Variants in GALNTL6 observed in about 807,000 individuals in gnomAD.
GALNTL6 encodes polypeptide N-acetylgalactosaminyltransferase-like 6.
A neutral mutation model predicts 73.7 loss-of-function variants in GALNTL6; 46 were observed. The observed-to-expected ratio is 0.62, with a 90% CI of 0.49 to 0.80. The LOEUF (loss-of-function observed/expected upper bound fraction) is 0.80. GALNTL6 is among the 30% of genes least tolerant of loss of function. The pLI, the probability that GALNTL6 is intolerant of heterozygous loss-of-function variation, is 0.00. For synonymous variants in GALNTL6, 259 were observed against 263.7 expected, an observed-to-expected ratio of 0.98 and a Z score of 0.17; for missense variants, 604 against 755.0, an observed-to-expected ratio of 0.80 and a Z score of 2.34.
intron 4 of GALNTL6, among the ~76,000 whole-genome samples, chr4:172,329,060 C>A (rs1419908376): frequency 6.6e-6 from 1 of 152,118 alleles, no homozygotes; most frequent in Non-Finnish European, 1.5e-5. Context: ...AATCTCAGGT[C>A]AGGCAGCCCT....
chr4:172,223,142 G>A lies in GALNTL6; in HGVS notation c.139-6514G>A, dbSNP rs150093052. Among the ~76,000 whole-genome samples the A allele has an allele frequency of 6.4e-3, 980 of 152,074 alleles. 7 individuals carry two copies. Among genetic ancestry groups the A allele is most frequent in the African/African-American group, 0.018 (732 of 41,518 alleles). ...ATCCTGTTTCAGATAATATGTTTAC[G>A]AAGTCAAGAGTATGGACTGACTAGA... On this transcript the variant is annotated intron_variant, in intron 2 of 12. Transcript: ENST00000506823.
chr4:172,897,339 C>T (rs1041136584), intron 8 of GALNTL6, among the ~76,000 whole-genome samples: 2 of 152,192 alleles, frequency 1.3e-5, no homozygotes, highest in South Asian at 2.1e-4. Flanking sequence ...TAGGCAGGCT[C>T]AGACTCTCAG....
intron 5 of GALNTL6, among the ~76,000 whole-genome samples, chr4:172,646,321 A>C (rs1740240608): frequency 6.6e-6 from 1 of 151,986 alleles, no homozygotes; most frequent in South Asian, 2.1e-4. Flanking sequence ...AACAATATCA[A>C]GTTTTCCAGT....
At chr4:171,932,300 G>A (rs1196468019) in intron 2 of GALNTL6, among the ~76,000 whole-genome samples, 2 of 152,168 alleles carry the variant, frequency 1.3e-5, no homozygotes, top group African/African-American at 2.4e-5. Context: ...TTGAAGCTTG[G>A]CAAATGAAGT....
At chr4:172,310,288 T>C (rs565877673) in intron 3 of GALNTL6, among the ~76,000 whole-genome samples, 14 of 151,956 alleles carry the variant, frequency 9.2e-5, no homozygotes, top group African/African-American at 3.1e-4. Flanking sequence ...TTTTTTTTAA[T>C]ATGACAGGGT....
chr4:172,624,997 G>T (rs1739110454), intron 5 of GALNTL6, among the ~76,000 whole-genome samples: 1 of 151,884 alleles, frequency 6.6e-6, no homozygotes, highest in South Asian at 2.1e-4. Context: ...ACCAAAAAAA[G>T]AACTACTTTT....
rs180949062 is a variant in GALNTL6 at position 172,921,072 on chromosome 4, A to T, written c.1042-10089A>T. ...TCTGCAAGAAGAGAATTCCAGGCAG[A>T]AGAAACCGCCAAGATAATGCCCGAG... On this transcript the variant is annotated intron_variant, in intron 8 of 12. Coordinates refer to ENST00000506823, the MANE Select transcript of GALNTL6 (RefSeq NM_001034845.3). 1.2e-4 allele frequency among the ~76,000 whole-genome samples: 19 copies of T among 152,310 alleles called. No individual in the cohort carries two copies. In the East Asian group the frequency reaches 3.5e-3, roughly 28 times the overall value.
At chr4:172,226,286 A>G (rs1181136537) in intron 2 of GALNTL6, among the ~76,000 whole-genome samples, 3 of 152,152 alleles carry the variant, frequency 2.0e-5, no homozygotes, top group Non-Finnish European at 2.9e-5. Flanking sequence ...TATAGAAAAT[A>G]TCTATTTAAC....
At chr4:172,183,957 T>G (rs927086886) in intron 2 of GALNTL6, among the ~76,000 whole-genome samples, 2 of 151,982 alleles carry the variant, frequency 1.3e-5, no homozygotes, top group African/African-American at 4.8e-5. Context: ...CACACCCGGC[T>G]AATTTTTGTA....
At position 172,007,281 on chromosome 4, in the gene GALNTL6, C is replaced by T. The variant is rs56343523; in HGVS notation, c.138+192563C>T. ...TTTGCTAACAAGAAAAATAATGTTT[C>T]ATGTGTTTTTGAAATGTGTTAAATT... On this transcript the variant is annotated intron_variant, in intron 2 of 12. Transcript: ENST00000506823. Among the ~76,000 whole-genome samples, 626 of 151,968 alleles carry T rather than the reference C, an allele frequency of 4.1e-3. 3 individuals are homozygous for T. The highest frequency in any genetic ancestry group is 0.014 in the Middle Eastern group (4 of 294).
chr4:172,622,932 A>G (rs560542123), intron 5 of GALNTL6, among the ~76,000 whole-genome samples: 61 of 152,288 alleles, frequency 4.0e-4, no homozygotes, highest in Non-Finnish European at 6.2e-4. Flanking sequence ...GTCCATACCA[A>G]AAAAATTTGT....
At chr4:172,529,317 T>A (rs550526146) in intron 5 of GALNTL6, among the ~76,000 whole-genome samples, 2 of 152,220 alleles carry the variant, frequency 1.3e-5, no homozygotes, top group African/African-American at 4.8e-5. Context: ...TGACATTTTC[T>A]GTGTTAATTG....
In GALNTL6 at chr4:172,442,846, C is replaced by T. The variant is rs541749764; in HGVS notation, c.553+94157C>T. On this transcript the variant is annotated intron_variant, in intron 5 of 12. Coordinates refer to ENST00000506823, the MANE Select transcript of GALNTL6 (RefSeq NM_001034845.3). ...TGGCAGGGAATTTCAAAATAACATA[C>T]GTATTTTTAATGAGAGAAAAAAATA... 1.3e-3 allele frequency among the ~76,000 whole-genome samples: 193 copies of T among 151,708 alleles called. 1 individual carries two copies. Among genetic ancestry groups the T allele is most frequent in the African/African-American group, 4.4e-3 (184 of 41,392 alleles).
intron 5 of GALNTL6, among the ~76,000 whole-genome samples, chr4:172,616,550 G>A (rs199631723): frequency 5.1e-5 from 2 of 39,388 alleles, no homozygotes; most frequent in Middle Eastern, 0.019. Flanking sequence ...TTTTTTTTTT[G>A]CAAAGTTTTT....
intron 5 of GALNTL6, among the ~76,000 whole-genome samples, chr4:172,712,486 T>G (rs1734768990): frequency 6.6e-6 from 1 of 152,100 alleles, no homozygotes; most frequent in African/African-American, 2.4e-5. Context: ...TGTTCCCCTT[T>G]GATTTACCAT....
chr4:171,941,335 G>A (rs913707907), intron 2 of GALNTL6, among the ~76,000 whole-genome samples: 1 of 152,138 alleles, frequency 6.6e-6, no homozygotes. Context: ...AGAAAAATTA[G>A]CCTATGCAAT....
intron 5 of GALNTL6, among the ~76,000 whole-genome samples, chr4:172,698,067 G>A (rs1037508742): frequency 2.0e-5 from 3 of 152,064 alleles, no homozygotes; most frequent in African/African-American, 7.2e-5. Flanking sequence ...TACATTTGAG[G>A]CTGGCATTAT....
chr4:172,832,888 C>CAGCTCT (rs1668641471), intron 7 of GALNTL6, among the ~76,000 whole-genome samples: 1 of 152,186 alleles, frequency 6.6e-6, no homozygotes. Flanking sequence ...CACCATCTAA[C>CAGCTCT]AGCTCTGCCA....
chr4:172,977,436 G>A (rs1400099606), intron 10 of GALNTL6, among the ~76,000 whole-genome samples: 1 of 152,206 alleles, frequency 6.6e-6, no homozygotes, highest in Non-Finnish European at 1.5e-5. Flanking sequence ...GTGGATCATT[G>A]TGGAGTTTTG....
Sources: allele counts gnomAD v4.1 joint callset (sites outside exome capture counted in the v4.1 genomes callset), GRCh38; gene constraint gnomAD v4.1.1; transcripts MANE v1.5; gene names NCBI Gene and HGNC (gene_info 2026-07-23, HGNC 2026-07-21).